ZSCAN1: variants seen among roughly 807,000 people sequenced by gnomAD.
ZSCAN1 encodes the protein zinc finger and SCAN domain containing 1, also known as zinc finger and SCAN domain-containing protein 1.
ZSCAN1 carries 23 observed loss-of-function variants against 23.8 expected under a neutral mutation model. The ratio of observed to expected loss-of-function variants is 0.97; its 90% CI spans 0.70 to 1.37. The LOEUF (loss-of-function observed/expected upper bound fraction) is 1.37. Ranked by LOEUF, ZSCAN1 falls within the 40% of genes most tolerant of loss-of-function variation. The probability of loss-of-function intolerance (pLI) is 0.00; values close to 1 mark genes in which losing one functional copy is unlikely to be tolerated. For missense variants in ZSCAN1, 575 were observed against 554.0 expected (o/e 1.04, Z -0.38); for synonymous variants, 236 against 232.3 (o/e 1.02, Z -0.15).
chr19:58,034,887 G>A (rs993801927), intron 1 of ZSCAN1, among the ~76,000 whole-genome samples: 3 of 150,660 alleles, frequency 2.0e-5, no homozygotes, highest in Non-Finnish European at 4.4e-5. Context: ...AGCTCCCAAC[G>A]CCCTCCCCAC....
rs144952227 is a variant in ZSCAN1 at position 58,052,824 on chromosome 19, G to A, written c.604+196G>A. Among the ~76,000 whole-genome samples, 194 of 152,292 alleles carry A rather than the reference G, an allele frequency of 1.3e-3. 1 individual carries two copies. Among genetic ancestry groups the A allele is most frequent in the African/African-American group, 4.3e-3 (177 of 41,552 alleles). ...CCACCATGTACATCGTTCACCCTAC[G>A]AGAAGGGCCTCAGCCTCCGCACCTG... is the stretch of plus-strand genomic sequence containing the variant. On this transcript the variant is annotated intron_variant, in intron 5 of 5. Transcript: ENST00000282326.
In ZSCAN1 at chr19:58,045,422, C is replaced by CAGTGCCACCAAAGA; in HGVS notation, c.465+4879_465+4892dup. On this transcript the variant is annotated intron_variant, in intron 4 of 5. Transcript: ENST00000282326. This position sits in a 1 kb window ranked among gnomAD's most constrained non-coding sequence, Gnocchi z 4.3. Reference sequence around the variant, plus strand: ...CCTTGAAGAACGAGGCAGCCAAGGGCAGTGCCACCAAAGACTTCTCTGTGT... The same window carrying CAGTGCCACCAAAGA: ...CCTTGAAGAACGAGGCAGCCAAGGGCAGTGCCACCAAAGAAGTGCCACCAAAGACTTCTCTGTGT... 9.7e-7 allele frequency: 1 copy of CAGTGCCACCAAAGA among 1,025,848 alleles called. No homozygotes were observed. The highest frequency in any genetic ancestry group is 2.4e-5 in the East Asian group (1 of 42,380). The allele number at this position is 1,025,848 out of a possible 1,614,324, so 63.5% of individuals were successfully genotyped here.
intron 3 of ZSCAN1, among the ~76,000 whole-genome samples, chr19:58,039,099 G>A (rs1230563249): frequency 6.6e-6 from 1 of 152,256 alleles, no homozygotes; most frequent in Non-Finnish European, 1.5e-5. Context: ...GCAGAACACA[G>A]GGTCCAGGGT....
At position 58,047,340 on chromosome 19, in the gene ZSCAN1, C is replaced by T. The variant is rs183660773; in HGVS notation, c.466-5150C>T. On this transcript the variant is annotated intron_variant, in intron 4 of 5. Transcript: ENST00000282326. The surrounding 1 kb of genome is among the most constrained non-coding windows in gnomAD (Gnocchi z 4.9). ...CATCTCTGTGGCCTCTGGAGAGTGA[C>T]GTCTCCCTGCTGGCAGGGCCGGTTC... 2.6e-5 allele frequency among the ~76,000 whole-genome samples: 4 copies of T among 152,310 alleles called. No homozygotes were observed. In the East Asian group the frequency reaches 5.8e-4, roughly 22 times the overall value.
chr19:58,046,678 C>A, intron 4 of ZSCAN1: 2 of 876,404 alleles, frequency 2.3e-6, no homozygotes, highest in Non-Finnish European at 3.9e-6. Context: ...CTCCACCAGT[C>A]AGGTGGCCGA....
chr19:58,038,322 C>G, intron 3 of ZSCAN1, 116 bp downstream of exon 3: 1 of 1,327,630 alleles, frequency 7.5e-7, no homozygotes, highest in Non-Finnish European at 1.0e-6. Flanking sequence ...CCCTCCCGAC[C>G]AGCAAACCTC....
chr19:58,038,502 G>C (rs1324833355), intron 3 of ZSCAN1: 7 of 565,262 alleles, frequency 1.2e-5, no homozygotes, highest in South Asian at 1.2e-4. Flanking sequence ...CTCTGGGAAG[G>C]ACGCTGCCTC....
In ZSCAN1 at chr19:58,053,795, A is replaced by G; in HGVS notation, c.971A>G (p.Glu324Gly). Residue 324 changes from glutamate to glycine, a missense_variant, in exon 6 of 6, where the codon GAG becomes GGG. Glu to Gly is a moderately conservative substitution (Grantham distance 98). Transcript: ENST00000282326. This position sits in a 1 kb window ranked among gnomAD's most constrained non-coding sequence, Gnocchi z 5.8. ...HREEGPFPCPECGKVFLHNSV... is the reference protein window; with the variant it reads ...HREEGPFPCPGCGKVFLHNSV... ...GAGGAAGGGCCCTTTCCGTGCCCCG[A>G]GTGTGGCAAGGTCTTCCTGCACAAC... 6.2e-7 allele frequency: 1 copy of G among 1,614,002 alleles called. No homozygotes were observed. The highest frequency in any genetic ancestry group is 8.5e-7 in the Non-Finnish European group (1 of 1,179,990).
downstream of ZSCAN1, among the ~76,000 whole-genome samples, chr19:58,055,967 G>A (rs2073887629): frequency 6.6e-6 from 1 of 152,150 alleles, no homozygotes; most frequent in Admixed American, 6.5e-5. Flanking sequence ...CCTCCCCTCT[G>A]GGGTTCCCAC....
At chr19:58,046,195 A>C (rs1485983926) in intron 4 of ZSCAN1, 1 of 759,590 alleles carries the variant, frequency 1.3e-6, no homozygotes, top group Non-Finnish European at 2.4e-6. Flanking sequence ...TAAGGAGGAG[A>C]TCAGCATCCT....
In ZSCAN1 at chr19:58,047,997, G is replaced by T. The variant is rs1359396199; in HGVS notation, c.466-4493G>T. 2.0e-5 allele frequency among the ~76,000 whole-genome samples: 3 copies of T among 152,172 alleles called. No individual in the cohort carries two copies. The highest frequency in any genetic ancestry group is 7.2e-5 in the African/African-American group (3 of 41,454). On this transcript the variant is annotated intron_variant, in intron 4 of 5. Transcript: ENST00000282326. The surrounding 1 kb of genome is among the most constrained non-coding windows in gnomAD (Gnocchi z 4.9). The stretch of plus-strand genomic sequence containing the variant: ...GTTCCTGGTAAAAATGTCCCTCCGG[G>T]GGCCTCCAAGCATAGGATTTGGAAG...
chr19:58,044,244 C>T (rs1386920209), intron 4 of ZSCAN1, among the ~76,000 whole-genome samples: 1 of 151,934 alleles, frequency 6.6e-6, no homozygotes, highest in African/African-American at 2.4e-5. Flanking sequence ...TGCACTCCAG[C>T]CCGAGCAACA....
At chr19:58,036,904 G>C (rs1350379788) in intron 2 of ZSCAN1, among the ~76,000 whole-genome samples, 1 of 152,090 alleles carries the variant, frequency 6.6e-6, no homozygotes, top group Non-Finnish European at 1.5e-5. Context: ...GGCTGGTCTT[G>C]AACTGCTGAC....
At chr19:58,052,221 C>T (rs1437887136) in intron 4 of ZSCAN1, among the ~76,000 whole-genome samples, 1 of 152,226 alleles carries the variant, frequency 6.6e-6, no homozygotes, top group African/African-American at 2.4e-5. Flanking sequence ...AATTCTGTCT[C>T]AGGTCCTGTT....
chr19:58,052,352 G>C lies in ZSCAN1; in HGVS notation c.466-138G>C. 9.2e-6 allele frequency: 13 copies of C among 1,418,562 alleles called. No individual in the cohort carries two copies. The South Asian group carries it at 1.6e-4, about 17-fold the overall frequency. 87.9% of individuals were successfully genotyped at this position (1,418,562 alleles called of 1,614,324 possible). A position where few individuals can be genotyped will look rare whatever the true frequency, so the allele number is the denominator to read the frequency against. On this transcript the variant is annotated intron_variant, in intron 4 of 5. Transcript: ENST00000282326. ...CCAGCATCAGCATCCCAAAGCACGG[G>C]AACAACAGGCGCGACACCGCGCACT...
chr19:58,041,257 A>C (rs1206827985), intron 4 of ZSCAN1, among the ~76,000 whole-genome samples: 1 of 152,226 alleles, frequency 6.6e-6, no homozygotes, highest in African/African-American at 2.4e-5. Flanking sequence ...TTGCTCACAG[A>C]CCAGAGACCG....
chr19:58,048,650 G>A (rs961149175), intron 4 of ZSCAN1, among the ~76,000 whole-genome samples: 1 of 152,172 alleles, frequency 6.6e-6, no homozygotes, highest in South Asian at 2.1e-4. Flanking sequence ...TAGAGATGGG[G>A]TTTCATTATG....
chr19:58,044,677 G>A (rs2073812644), intron 4 of ZSCAN1: 4 of 798,480 alleles, frequency 5.0e-6, no homozygotes, highest in Non-Finnish European at 8.7e-6. Flanking sequence ...GGGGTAGTCC[G>A]GGGGATCCTG....
At position 58,052,511 on chromosome 19, in the gene ZSCAN1, G is replaced by A. The variant is rs1476251920; in HGVS notation, c.487G>A (p.Ala163Thr). 6.2e-7 allele frequency: 1 copy of A among 1,614,056 alleles called. No individual in the cohort carries two copies. Among genetic ancestry groups the A allele is most frequent in the Non-Finnish European group, 8.5e-7 (1 of 1,180,034 alleles). The change falls in exon 5 of 6, where the codon GCA becomes ACA. Residue 163 changes from alanine to threonine, a missense_variant. By Grantham distance (58) the Ala-to-Thr change is moderately conservative (BLOSUM62 0). Coordinates refer to ENST00000282326, the MANE Select transcript of ZSCAN1 (RefSeq NM_182572.4). ...PSQASELILD[A>T]VAAAPALPEE... is the part of the protein sequence containing the mutation. Reference sequence around the variant, plus strand: ...CTAGGCGTCTGAGCTGATTCTGGATGCAGTGGCAGCAGCCCCAGCACTCCC... The same window carrying A: ...CTAGGCGTCTGAGCTGATTCTGGATACAGTGGCAGCAGCCCCAGCACTCCC...
Sources: allele counts gnomAD v4.1 joint callset (sites outside exome capture counted in the v4.1 genomes callset), GRCh38; gene constraint gnomAD v4.1.1; non-coding constraint Gnocchi (gnomAD v3.1); transcripts MANE v1.5; gene names NCBI Gene and HGNC (gene_info 2026-07-23, HGNC 2026-07-21).